The following GRID2 variants were observed in gnomAD, a reference collection of about 807,000 sequenced individuals.
GRID2 encodes glutamate ionotropic receptor delta type subunit 2.
Under a neutral mutation model 114.8 loss-of-function variants are expected in GRID2, and 33 were observed. The observed-to-expected ratio is 0.29, with a 90% CI of 0.22 to 0.38. The LOEUF is 0.38. Among genes scored for constraint, GRID2 ranks in the 10% least tolerant of loss-of-function variants. The probability of loss-of-function intolerance (pLI) is 1.00; values close to 1 mark genes in which losing one functional copy is unlikely to be tolerated. For missense variants in GRID2, 1,184 were observed against 1,257.7 expected, an observed-to-expected ratio of 0.94 and a Z score of 0.89; for synonymous variants, 505 against 449.9, an observed-to-expected ratio of 1.12 and a Z score of -1.55.
intron 3 of GRID2, among the ~76,000 whole-genome samples, chr4:93,107,622 T>G (rs927615895): frequency 1.3e-5 from 2 of 152,028 alleles, no homozygotes; most frequent in African/African-American, 4.8e-5. Flanking sequence ...CACTGCAACC[T>G]CCACTTCCCA....
intron 8 of GRID2, among the ~76,000 whole-genome samples, chr4:93,260,651 C>T (rs966379203): frequency 2.0e-5 from 3 of 151,772 alleles, no homozygotes; most frequent in Non-Finnish European, 4.4e-5. Flanking sequence ...ACCTCACAGT[C>T]AGCTTTATAT....
At chr4:93,222,712 G>A (rs568211047) in intron 6 of GRID2, among the ~76,000 whole-genome samples, 133 of 151,984 alleles carry the variant, frequency 8.8e-4, no homozygotes, top group Admixed American at 8.7e-3. Flanking sequence ...GAGAACATGC[G>A]GTGTTTGGTT....
intron 2 of GRID2, among the ~76,000 whole-genome samples, chr4:92,689,687 A>G (rs1367714199): frequency 2.0e-5 from 3 of 152,174 alleles, no homozygotes; most frequent in African/African-American, 7.2e-5. Flanking sequence ...CTTTAGAAAC[A>G]TTGTCTTCCA....
chr4:92,930,715 C>T (rs1750168293), intron 2 of GRID2, among the ~76,000 whole-genome samples: 1 of 150,038 alleles, frequency 6.7e-6, no homozygotes, highest in Non-Finnish European at 1.5e-5. Context: ...AAAGAAAAGT[C>T]CTGTCTTGCA....
intron 1 of GRID2, among the ~76,000 whole-genome samples, chr4:92,317,804 C>T (rs554272823): frequency 1.3e-5 from 2 of 152,140 alleles, no homozygotes; most frequent in African/African-American, 2.4e-5. Context: ...AGCTGAATGA[C>T]ACTGACTGGG....
At chr4:92,633,860 A>AT (rs112371241) in intron 2 of GRID2, among the ~76,000 whole-genome samples, 2,644 of 144,720 alleles carry the variant, frequency 0.018, 27 homozygotes, top group African/African-American at 0.034. Context: ...GCATTCTACT[A>AT]TTTTTTTTTT....
intron 7 of GRID2, among the ~76,000 whole-genome samples, chr4:93,230,150 G>A (rs909646906): frequency 1.4e-4 from 5 of 34,568 alleles, no homozygotes; most frequent in African/African-American, 4.1e-4. Flanking sequence ...GTGTATGCGT[G>A]TGTGTGTGTG....
At chr4:93,031,510 T>A (rs1724436332) in intron 2 of GRID2, among the ~76,000 whole-genome samples, 1 of 152,150 alleles carries the variant, frequency 6.6e-6, no homozygotes, top group Non-Finnish European at 1.5e-5. Flanking sequence ...TCACGTTGAA[T>A]TGTAGCTCCC....
intron 2 of GRID2, among the ~76,000 whole-genome samples, chr4:92,867,189 G>T (rs572590674): frequency 1.8e-3 from 270 of 151,762 alleles, no homozygotes; most frequent in African/African-American, 5.1e-3. Flanking sequence ...TAACATATTG[G>T]TTATTGCGCT....
chr4:92,854,975 A>T (rs1013815984), intron 2 of GRID2, among the ~76,000 whole-genome samples: 1 of 152,064 alleles, frequency 6.6e-6, no homozygotes, highest in Non-Finnish European at 1.5e-5. Flanking sequence ...AAGGATAAAA[A>T]TTCAAATATA....
At chr4:93,459,760 C>T (rs1432989303) in intron 11 of GRID2, among the ~76,000 whole-genome samples, 1 of 152,104 alleles carries the variant, frequency 6.6e-6, no homozygotes, top group Non-Finnish European at 1.5e-5. Flanking sequence ...ACCAGAGGCA[C>T]CATAAATTTG....
At chr4:93,389,170 TGGA>T (rs1764610385) in intron 8 of GRID2, among the ~76,000 whole-genome samples, 1 of 152,100 alleles carries the variant, frequency 6.6e-6, no homozygotes, top group East Asian at 1.9e-4. Context: ...AATTATTTAA[TGGA>T]GGAGATAGGA....
chr4:92,408,846 ATTTG>A (rs1192494663), intron 1 of GRID2, among the ~76,000 whole-genome samples: 1 of 152,042 alleles, frequency 6.6e-6, no homozygotes, highest in African/African-American at 2.4e-5. Flanking sequence ...ACGTTACTGT[ATTTG>A]TTTATCAAGA....
At chr4:92,490,745 G>A (rs1250856860) in intron 1 of GRID2, among the ~76,000 whole-genome samples, 5 of 152,024 alleles carry the variant, frequency 3.3e-5, no homozygotes, top group East Asian at 1.9e-4. Context: ...ATAAGAGGCC[G>A]TCCTCTCCAA....
chr4:93,742,905 G>T (rs925009145), intron 14 of GRID2, among the ~76,000 whole-genome samples: 8 of 152,068 alleles, frequency 5.3e-5, no homozygotes, highest in Admixed American at 5.2e-4. Flanking sequence ...TTGAACACAT[G>T]TCTCTCTCTT....
At chr4:92,607,469 G>A (rs547019274) in intron 2 of GRID2, among the ~76,000 whole-genome samples, 1 of 151,782 alleles carries the variant, frequency 6.6e-6, no homozygotes, top group African/African-American at 2.4e-5. Flanking sequence ...TTAAGTTACT[G>A]GGGGTGGGGA....
At chr4:93,447,104 C>T (rs1028230805) in intron 10 of GRID2, among the ~76,000 whole-genome samples, 2 of 151,676 alleles carry the variant, frequency 1.3e-5, no homozygotes, top group Non-Finnish European at 2.9e-5. Context: ...AGCAAATGAG[C>T]AAAAACTCTC....
intron 2 of GRID2, among the ~76,000 whole-genome samples, chr4:93,040,132 G>A (rs1417531718): frequency 6.6e-6 from 1 of 152,080 alleles, no homozygotes; most frequent in Non-Finnish European, 1.5e-5. Flanking sequence ...TCAGGAAGAT[G>A]TGTATAGGAT....
chr4:92,970,605 G>C (rs1284141519), intron 2 of GRID2, among the ~76,000 whole-genome samples: 1 of 151,892 alleles, frequency 6.6e-6, no homozygotes, highest in Non-Finnish European at 1.5e-5. Flanking sequence ...TCTAGAATAT[G>C]ATATCATAAA....
Sources: allele counts gnomAD v4.1 joint callset (sites outside exome capture counted in the v4.1 genomes callset), GRCh38; gene constraint gnomAD v4.1.1; transcripts MANE v1.5; gene names NCBI Gene and HGNC (gene_info 2026-07-23, HGNC 2026-07-21).